The following ZNF654 variants were observed in gnomAD, a reference collection of about 807,000 sequenced individuals.
ZNF654 encodes melanoma-associated antigen.
Under a neutral mutation model 95.3 loss-of-function variants are expected in ZNF654, and 19 were observed. That is an observed-to-expected ratio of 0.20 (90% CI 0.14 to 0.29). The LOEUF is 0.29. ZNF654 is among the 10% of genes least tolerant of loss of function. The pLI is 1.00. For missense variants in ZNF654, 1,046 were observed against 1,341.0 expected (o/e 0.78, Z 3.44); for synonymous variants, 413 against 457.9 (o/e 0.90, Z 1.25).
In ZNF654 at chr3:88,059,291, G is replaced by C. The variant is rs1203016087; in HGVS notation, c.-29G>C. On this transcript the variant is annotated 5_prime_UTR_variant, in exon 1 of 9. Transcript: ENST00000636215. ...CTACGGCGGCGGCGGCGGCGCAGGG[G>C]CTGGTACGCGCTGGGCGGCGAGAGC... 1 of 1,532,024 alleles carries C rather than the reference G, an allele frequency of 6.5e-7. No individual in the cohort carries two copies. The highest frequency in any genetic ancestry group is 8.7e-7 in the Non-Finnish European group (1 of 1,146,072). 94.9% of individuals were successfully genotyped at this position (1,532,024 alleles called of 1,614,324 possible).
chr3:88,135,443 A>G (rs1035304519), intron 7 of ZNF654: 16 of 283,860 alleles, frequency 5.6e-5, no homozygotes, highest in African/African-American at 3.5e-4. Flanking sequence ...CTTTTTTCTT[A>G]TAATTAAATA....
intron 3 of ZNF654, among the ~76,000 whole-genome samples, chr3:88,116,613 TGTG>T (rs1705421755): frequency 6.8e-6 from 1 of 146,714 alleles, no homozygotes; most frequent in Non-Finnish European, 1.5e-5. Context: ...GTATATATGT[TGTG>T]TGTGTGTGTG....
intron 2 of ZNF654, among the ~76,000 whole-genome samples, chr3:88,112,241 T>G (rs912649437): frequency 4.6e-5 from 7 of 151,260 alleles, no homozygotes; most frequent in African/African-American, 1.5e-4. Flanking sequence ...GTTTACATTT[T>G]ATAATTTTAG....
intron 6 of ZNF654, among the ~76,000 whole-genome samples, chr3:88,134,678 TAG>T (rs1294435969): frequency 1.3e-5 from 2 of 152,126 alleles, no homozygotes; most frequent in Admixed American, 6.6e-5. Flanking sequence ...CATTTCTTTA[TAG>T]AGAGTCTACA....
chr3:88,090,828 A>C (rs954330186), intron 2 of ZNF654, among the ~76,000 whole-genome samples: 1 of 152,178 alleles, frequency 6.6e-6, no homozygotes, highest in Non-Finnish European at 1.5e-5. Flanking sequence ...CCCATACATA[A>C]AATACAGTAA....
intron 2 of ZNF654, among the ~76,000 whole-genome samples, chr3:88,103,125 A>G (rs993550592): frequency 1.3e-5 from 2 of 152,140 alleles, no homozygotes; most frequent in Non-Finnish European, 2.9e-5. Flanking sequence ...ATGGCCTTAT[A>G]TAATGAAGCC....
intron 1 of ZNF654, among the ~76,000 whole-genome samples, chr3:88,081,679 T>C (rs1005299070): frequency 1.2e-4 from 18 of 152,356 alleles, no homozygotes; most frequent in African/African-American, 4.3e-4. Context: ...GCTTCCATAT[T>C]CTCATATCCT....
intron 2 of ZNF654, among the ~76,000 whole-genome samples, chr3:88,107,861 T>TA (rs1490063778): frequency 6.6e-6 from 1 of 152,174 alleles, no homozygotes. Flanking sequence ...CATCATTTCT[T>TA]AAACTATATA....
chr3:88,134,807 A>G (rs1324132625), intron 6 of ZNF654, among the ~76,000 whole-genome samples: 1 of 152,010 alleles, frequency 6.6e-6, no homozygotes, highest in East Asian at 1.9e-4. Context: ...CTGATACTGG[A>G]GACATCTTAG....
At chr3:88,092,626 C>T (rs1193613446) in intron 2 of ZNF654, among the ~76,000 whole-genome samples, 1 of 152,068 alleles carries the variant, frequency 6.6e-6, no homozygotes, top group African/African-American at 2.4e-5. Context: ...TTTTACAGTT[C>T]TTTTGATTTA....
In ZNF654 at chr3:88,109,950, A is replaced by G. The variant is rs562033695; in HGVS notation, c.333-3165A>G. Among the ~76,000 whole-genome samples, 3 of 152,298 alleles carry G rather than the reference A, an allele frequency of 2.0e-5. No homozygotes were observed. In the South Asian group the frequency reaches 6.2e-4, roughly 32 times the overall value. ...TAATCAGATTTTTAAAAAAATCTTC[A>G]TAATTTAAGAATAATTAGCCTGTTA... On this transcript the variant is annotated intron_variant, in intron 2 of 8. Coordinates refer to ENST00000636215, the MANE Select transcript of ZNF654 (RefSeq NM_001350134.2).
chr3:88,069,266 A>C (rs1707371766), intron 1 of ZNF654, among the ~76,000 whole-genome samples: 2 of 152,134 alleles, frequency 1.3e-5, no homozygotes, highest in Admixed American at 1.3e-4. Context: ...TACTAAAAAT[A>C]CAAAAATTAG....
At chr3:88,087,744 T>C (rs1406103447) in intron 2 of ZNF654, among the ~76,000 whole-genome samples, 1 of 152,206 alleles carries the variant, frequency 6.6e-6, no homozygotes, top group Non-Finnish European at 1.5e-5. Flanking sequence ...TATTATTATG[T>C]GAAACATTTA....
intron 1 of ZNF654, among the ~76,000 whole-genome samples, chr3:88,072,318 T>A (rs114522189): frequency 0.019 from 2,841 of 152,260 alleles, 95 homozygotes; most frequent in African/African-American, 0.064. Context: ...TACACAGCAG[T>A]CAATGTGATC....
At chr3:88,121,832 T>C (rs756612584) in intron 3 of ZNF654, among the ~76,000 whole-genome samples, 25 of 152,198 alleles carry the variant, frequency 1.6e-4, no homozygotes, top group Non-Finnish European at 2.9e-4. Context: ...TATGAGTGAA[T>C]TGGATAGGTG....
intron 1 of ZNF654, among the ~76,000 whole-genome samples, chr3:88,080,984 C>T (rs1168851870): frequency 6.6e-6 from 1 of 152,190 alleles, no homozygotes; most frequent in Non-Finnish European, 1.5e-5. Context: ...TCCGTGATCT[C>T]ACGTTGTATT....
intron 1 of ZNF654, among the ~76,000 whole-genome samples, chr3:88,075,982 C>T (rs1021588373): frequency 1.3e-5 from 2 of 152,196 alleles, no homozygotes; most frequent in Non-Finnish European, 2.9e-5. Context: ...TTCCCATTTA[C>T]TTCCCTGAGA....
At chr3:88,080,069 G>C (rs1183589883) in intron 1 of ZNF654, among the ~76,000 whole-genome samples, 2 of 151,878 alleles carry the variant, frequency 1.3e-5, no homozygotes, top group East Asian at 3.9e-4. Context: ...ATTCTCCAGG[G>C]AGAATTGTAA....
At chr3:88,112,993 A>G (rs937666068) in intron 2 of ZNF654, 122 bp from the exon 3 acceptor site, 3 of 654,892 alleles carry the variant, frequency 4.6e-6, no homozygotes, top group African/African-American at 1.9e-5. Context: ...GTTCAGTACA[A>G]TTTTTTAAAC....
Sources: gnomAD v4.1 joint callset for allele counts (sites outside exome capture counted in the v4.1 genomes callset) on GRCh38, gnomAD v4.1.1 for gene constraint, MANE v1.5 for transcripts, NCBI Gene and HGNC (gene_info 2026-07-23, HGNC 2026-07-21) for gene names.